Variants in IL1R2 observed in about 807,000 individuals in gnomAD.
The protein encoded by IL1R2 is interleukin-1 receptor type 2.
In IL1R2, 46 loss-of-function variants were observed where a neutral mutation model predicts 39.5. The observed-to-expected ratio is 1.16, with a 90% CI of 0.92 to 1.49. The LOEUF is 1.49. IL1R2 is among the 40% of genes most tolerant of loss of function. The pLI is 0.00. For synonymous variants in IL1R2, 207 were observed against 189.6 expected, an observed-to-expected ratio of 1.09 and a Z score of -0.75; for missense variants, 537 against 502.0, an observed-to-expected ratio of 1.07 and a Z score of -0.67.
intron 1 of IL1R2, among the ~76,000 whole-genome samples, chr2:102,008,210 A>G (rs985214689): frequency 6.6e-6 from 1 of 152,256 alleles, no homozygotes; most frequent in African/African-American, 2.4e-5. Context: ...TAGCTGAGGA[A>G]GCAGCATCTC....
At chr2:101,992,448 T>G (rs1216305767) in intron 1 of IL1R2, among the ~76,000 whole-genome samples, 400 of 41,514 alleles carry the variant, frequency 9.6e-3, no homozygotes, top group African/African-American at 0.013. Context: ...CAGAGAGAGG[T>G]AGAGAGACGG....
intron 1 of IL1R2, 71 bp from the exon 2 acceptor site, chr2:102,008,444 C>T: frequency 1.4e-6 from 1 of 739,160 alleles, no homozygotes; most frequent in Admixed American, 2.0e-5. Flanking sequence ...GACCCTGCCC[C>T]TACCCCGTCT....
intron 1 of IL1R2, among the ~76,000 whole-genome samples, chr2:102,001,443 A>T (rs1351776283): frequency 1.3e-5 from 2 of 152,224 alleles, no homozygotes; most frequent in African/African-American, 4.8e-5. Flanking sequence ...CTGTCTCACC[A>T]GACCCCACCA....
rs1676412875 is a variant in IL1R2 at position 102,008,607 on chromosome 2, T to C, written c.32T>C (p.Val11Ala). 1.2e-6 allele frequency: 2 copies of C among 1,613,886 alleles called. No individual in the cohort carries two copies. Among genetic ancestry groups the C allele is most frequent in the Admixed American group, 1.7e-5 (1 of 59,982 alleles). The stretch of plus-strand genomic sequence containing the variant: ...CGCTTGTACGTGTTGGTAATGGGAG[T>C]TTCTGCCTTCACCCTTCAGCCTGCG... MLRLYVLVMG[V>A]SAFTLQPAAH... The change falls in exon 2 of 9, where the codon GTT becomes GCT. Residue 11 changes from valine to alanine, a missense_variant. Transcript: ENST00000332549.
Position 102,009,680 on chromosome 2 carries a change from C to A in IL1R2, c.186C>A (p.Ser62Arg), listed in dbSNP as rs28362312. Residue 62 changes from serine (S) to arginine (R), a missense_variant, in exon 3 of 9, where the codon AGC becomes AGA. Physicochemically the swap from Ser to Arg is moderately radical, Grantham distance 110. Coordinates refer to ENST00000332549, the MANE Select transcript of IL1R2 (RefSeq NM_004633.4). ...QVPYWLWASV[S>R]PRINLTWHKN... ...CCTACTGGTTGTGGGCCTCTGTCAG[C>A]CCCCGCATCAACCTGACATGGCATA... 21 of 1,614,162 alleles carry A rather than the reference C, an allele frequency of 1.3e-5. No individual in the cohort carries two copies. The highest frequency in any genetic ancestry group is 1.7e-5 in the Non-Finnish European group (20 of 1,180,030).
At chr2:101,994,344 C>A (rs982052976) in intron 1 of IL1R2, among the ~76,000 whole-genome samples, 1 of 152,098 alleles carries the variant, frequency 6.6e-6, no homozygotes, top group Admixed American at 6.5e-5. Flanking sequence ...CCCTGGAGAG[C>A]AGAGTTGGCC....
At chr2:101,998,561 A>T (rs1675697870) in intron 1 of IL1R2, among the ~76,000 whole-genome samples, 1 of 152,236 alleles carries the variant, frequency 6.6e-6, no homozygotes. Flanking sequence ...GGGCTCAACT[A>T]GGTGATTCTT....
intron 1 of IL1R2, 117 bp from the exon 2 acceptor site, chr2:102,008,398 A>T: frequency 1.6e-6 from 1 of 613,972 alleles, no homozygotes; most frequent in South Asian, 2.0e-5. Flanking sequence ...TAAACAGAGT[A>T]GGCCAAAAGG....
chr2:102,004,299 G>A (rs1676127135), intron 1 of IL1R2, among the ~76,000 whole-genome samples: 1 of 152,056 alleles, frequency 6.6e-6, no homozygotes, highest in South Asian at 2.1e-4. Context: ...GCAGGTAACG[G>A]TTACCTGGGC....
At chr2:102,021,305 CTTTTTTT>C (rs546019141) in intron 5 of IL1R2, among the ~76,000 whole-genome samples, 9 of 122,856 alleles carry the variant, frequency 7.3e-5, no homozygotes, top group Admixed American at 5.1e-4. Context: ...CTTTTCTTTT[CTTTTTTT>C]TTTTTTTTTT....
intron 3 of IL1R2, among the ~76,000 whole-genome samples, chr2:102,014,121 C>A (rs566098337): frequency 6.6e-6 from 1 of 152,230 alleles, no homozygotes; most frequent in South Asian, 2.1e-4. Flanking sequence ...TTGTAACTTT[C>A]AATATGTCTA....
chr2:102,019,128 T>C (rs1165458232), intron 4 of IL1R2, among the ~76,000 whole-genome samples: 1 of 152,194 alleles, frequency 6.6e-6, no homozygotes, highest in Non-Finnish European at 1.5e-5. Context: ...CTTGTGTCCA[T>C]ATAAAAAGTG....
intron 5 of IL1R2, among the ~76,000 whole-genome samples, chr2:102,020,797 G>T (rs1294691317): frequency 1.3e-5 from 2 of 152,156 alleles, no homozygotes; most frequent in Non-Finnish European, 2.9e-5. Flanking sequence ...GAACACTAGG[G>T]GGCAGCCGCC....
chr2:102,026,029 G>A, intron 7 of IL1R2, 82 bp from the exon 8 acceptor site: 1 of 1,082,134 alleles, frequency 9.2e-7, no homozygotes. Flanking sequence ...ACTTCTAAAG[G>A]AGAGTGTTTA....
chr2:102,023,802 CT>C (rs1465969483), intron 6 of IL1R2, among the ~76,000 whole-genome samples: 1 of 152,104 alleles, frequency 6.6e-6, no homozygotes, highest in Non-Finnish European at 1.5e-5. Context: ...AATCCCAGCA[CT>C]TTGGGAGGCC....
chr2:102,024,844 T>A lies in IL1R2; in HGVS notation c.887+176T>A, dbSNP rs1421449045. 3 of 800,706 alleles carry A rather than the reference T, an allele frequency of 3.7e-6. No individual in the cohort carries two copies. In the East Asian group the frequency reaches 8.7e-5, roughly 23 times the overall value. The allele number at this position is 800,706 out of a possible 1,614,324, so 49.6% of individuals were successfully genotyped here. A position where few individuals can be genotyped will look rare whatever the true frequency, so the allele number is the denominator to read the frequency against. ...CTAAAAATTATCTTGAGAATCAAAC[T>A]TTCTCTGTAAATACTTAAAAGTTGA... On this transcript the variant is annotated intron_variant, in intron 7 of 8. Transcript: ENST00000332549.
intron 3 of IL1R2, among the ~76,000 whole-genome samples, chr2:102,011,219 C>A (rs1020570428): frequency 6.6e-6 from 1 of 152,144 alleles, no homozygotes; most frequent in Non-Finnish European, 1.5e-5. Flanking sequence ...GATATCTGTT[C>A]AAATCTCTGC....
Position 102,028,318 on chromosome 2 carries a change from C to A in IL1R2, c.1123C>A (p.His375Asn). 6.2e-7 allele frequency: 1 copy of A among 1,612,220 alleles called. No homozygotes were observed. The highest frequency in any genetic ancestry group is 8.5e-7 in the Non-Finnish European group (1 of 1,179,360). ...AATATGGATGCACAGACGGTGCAAA[C>A]ACAGAACTGGAAAAGCAGATGGTCT... ...GGIWMHRRCK[H>N]RTGKADGLTV... is the part of the protein sequence containing the mutation. Residue 375 changes from histidine (H) to asparagine (N), a missense_variant, in exon 9 of 9, where the codon CAC (histidine) becomes AAC (asparagine). His to Asn is a moderately conservative substitution (Grantham distance 68). Coordinates refer to ENST00000332549, the MANE Select transcript of IL1R2 (RefSeq NM_004633.4).
intron 1 of IL1R2, among the ~76,000 whole-genome samples, chr2:101,996,508 G>A (rs896492833): frequency 7.4e-5 from 4 of 54,206 alleles, no homozygotes; most frequent in Admixed American, 1.8e-4. Context: ...TTTTTTTTGG[G>A]GGGGAGAATG....
Sources: gnomAD v4.1 joint callset for allele counts (sites outside exome capture counted in the v4.1 genomes callset) on GRCh38, gnomAD v4.1.1 for gene constraint, MANE v1.5 for transcripts, NCBI Gene and HGNC (gene_info 2026-07-23, HGNC 2026-07-21) for gene names.